Variants in EPG5 observed in about 807,000 individuals in gnomAD.
The protein encoded by EPG5 is ectopic P-granules 5 autophagy tethering factor.
In EPG5, 159 loss-of-function variants were observed where a neutral mutation model predicts 302.7. The ratio of observed to expected loss-of-function variants is 0.53; its 90% CI spans 0.46 to 0.60. The LOEUF (loss-of-function observed/expected upper bound fraction) is 0.60. Ranked by LOEUF, EPG5 falls within the 20% of genes least tolerant of loss-of-function variation. The probability of loss-of-function intolerance (pLI) is 0.00; values close to 1 mark genes in which losing one functional copy is unlikely to be tolerated. For synonymous variants in EPG5, 1,158 were observed against 1,136.8 expected, an observed-to-expected ratio of 1.02 and a Z score of -0.37; for missense variants, 2,896 against 3,092.4, an observed-to-expected ratio of 0.94 and a Z score of 1.51.
chr18:45,947,781 T>C (rs1043434663), intron 6 of EPG5, among the ~76,000 whole-genome samples: 3 of 152,106 alleles, frequency 2.0e-5, no homozygotes, highest in Admixed American at 6.6e-5. Context: ...CATTCTTTTT[T>C]TTTTTCTTTC....
intron 1 of EPG5, among the ~76,000 whole-genome samples, chr18:45,957,422 ATATGAGTGT>A (rs2051056440): frequency 6.6e-6 from 1 of 152,234 alleles, no homozygotes; most frequent in Non-Finnish European, 1.5e-5. Flanking sequence ...GAAAAACATT[ATATGAGTGT>A]TAATAAAACA....
Position 45,944,102 on chromosome 18 carries a change from G to A in EPG5, c.1695C>T (p.Thr565=). 6.2e-7 allele frequency: 1 copy of A among 1,611,178 alleles called. No individual in the cohort carries two copies. The highest frequency in any genetic ancestry group is 8.5e-7 in the Non-Finnish European group (1 of 1,177,462). ...CATCTTCATTAAGGAGAATCCAACT[G>A]GTCTCAGGGTCTTCATCCTAAGGGA... The part of the protein sequence containing the change: ...EGGEEDEDPE[T]SWILLNEDDL... The change falls in exon 8 of 44, where the codon ACC becomes ACT. Residue 565 remains threonine, a synonymous_variant. Coordinates refer to ENST00000282041, the MANE Select transcript of EPG5 (RefSeq NM_020964.3).
At chr18:45,881,008 G>A (rs1186990456) in intron 31 of EPG5, among the ~76,000 whole-genome samples, 1 of 152,118 alleles carries the variant, frequency 6.6e-6, no homozygotes, top group Non-Finnish European at 1.5e-5. Context: ...CCTAGAAGGT[G>A]GCAGTGACAT....
chr18:45,877,016 TC>T (rs1247194325), intron 34 of EPG5, among the ~76,000 whole-genome samples: 2 of 152,208 alleles, frequency 1.3e-5, no homozygotes, highest in East Asian at 3.9e-4. Context: ...AGTCCTGACC[TC>T]AAGTGATCCA....
chr18:45,802,332 C>G, the EPG5 span, among the ~76,000 whole-genome samples: 1 of 152,044 alleles, frequency 6.6e-6, no homozygotes, highest in African/African-American at 2.4e-5. Context: ...ACCAGCCTGG[C>G]CAACATGGCA....
At chr18:45,840,237 C>A in the EPG5 span, 3 of 1,612,592 alleles carry the variant, frequency 1.9e-6, no homozygotes, top group East Asian at 6.7e-5. Flanking sequence ...GGACACCCCA[C>A]CACGGTAAGT....
chr18:45,967,164 G>A lies in EPG5; in HGVS notation c.63+13C>T, dbSNP rs932525874. 6 of 1,591,854 alleles carry A rather than the reference G, an allele frequency of 3.8e-6. No homozygotes were observed. The highest frequency in any genetic ancestry group is 2.3e-5 in the East Asian group (1 of 43,740). ...CACTGCCAGAGCCTCGGGAGGGTGG[G>A]GGAGATCCTCACCTTTGTTTTAGTC... On this transcript the variant is annotated intron_variant, in intron 1 of 43. Coordinates refer to ENST00000282041, the MANE Select transcript of EPG5 (RefSeq NM_020964.3).
chr18:45,865,530 G>A, intron 39 of EPG5, 85 bp downstream of exon 39: 1 of 1,436,384 alleles, frequency 7.0e-7, no homozygotes, highest in Non-Finnish European at 9.6e-7. Flanking sequence ...CCAGTGTCCT[G>A]AACATCCTCC....
In EPG5 at chr18:45,882,433, T is replaced by C. The variant is rs750395264; in HGVS notation, c.5359A>G (p.Arg1787Gly). The C allele has an allele frequency of 8.7e-6, 14 of 1,614,080 alleles. No homozygotes were observed. Among genetic ancestry groups the C allele is most frequent in the Non-Finnish European group, 1.2e-5 (14 of 1,180,042 alleles). ...ATKPPLSDRTRLLESIHLALT... is the reference protein window; with the variant it reads ...ATKPPLSDRTGLLESIHLALT... ...GCCAAGTGAATGGACTCCAGAAGCC[T>C]GGTACGATCAGACAGAGGAGGTTTA... Residue 1787 changes from arginine (R) to glycine (G), a missense_variant, in exon 31 of 44, where the codon AGG becomes GGG. This residue lies in a region of EPG5 where 790 missense variants were observed against 798.0 expected (regional missense o/e 0.99). Transcript: ENST00000282041.
intron 11 of EPG5, among the ~76,000 whole-genome samples, chr18:45,933,380 A>C (rs1205279374): frequency 6.6e-6 from 1 of 152,254 alleles, no homozygotes; most frequent in Non-Finnish European, 1.5e-5. Context: ...AAAGACATCA[A>C]GAGAGACAGA....
chr18:45,860,094 C>T lies in EPG5; in HGVS notation c.7009+10G>A. 2 of 1,613,918 alleles carry T rather than the reference C, an allele frequency of 1.2e-6. No homozygotes were observed. Among genetic ancestry groups the T allele is most frequent in the South Asian group, 1.1e-5 (1 of 91,054 alleles). On this transcript the variant is annotated intron_variant, in intron 40 of 43. Coordinates refer to ENST00000282041, the MANE Select transcript of EPG5 (RefSeq NM_020964.3). ...CCAATACAATGGAGCGTAAGATGAC[C>T]TCCTCTTACTTTCTTTGAAGTAGGC...
intron 1 of EPG5, among the ~76,000 whole-genome samples, chr18:45,961,716 G>A (rs549410594): frequency 6.6e-6 from 1 of 152,112 alleles, no homozygotes; most frequent in Non-Finnish European, 1.5e-5. Context: ...ACATTAGCCA[G>A]GTGTGGTGGT....
At chr18:45,939,282 G>GGTATGTGAT (rs544346281) in intron 10 of EPG5, among the ~76,000 whole-genome samples, 138 of 152,204 alleles carry the variant, frequency 9.1e-4, no homozygotes, top group African/African-American at 3.1e-3. Context: ...CACTGCAGTG[G>GGTATGTGAT]GTATGTGATA....
intron 24 of EPG5, among the ~76,000 whole-genome samples, chr18:45,905,446 A>G (rs939564323): frequency 5.3e-5 from 8 of 152,200 alleles, no homozygotes; most frequent in South Asian, 2.1e-4. Flanking sequence ...AGGAGCTCCA[A>G]TGTAATCCTG....
At chr18:45,941,434 T>A (rs1236133782) in intron 9 of EPG5, among the ~76,000 whole-genome samples, 1 of 151,844 alleles carries the variant, frequency 6.6e-6, no homozygotes, top group Non-Finnish European at 1.5e-5. Context: ...CAAGTTCAAG[T>A]GAGGATGGAG....
At chr18:45,900,404 C>CAAAAA (rs375366452) in intron 26 of EPG5, among the ~76,000 whole-genome samples, 1 of 111,980 alleles carries the variant, frequency 8.9e-6, no homozygotes, top group Non-Finnish European at 1.7e-5. Context: ...GACTCTGTCT[C>CAAAAA]AAAAAAAAAA....
chr18:45,823,345 C>A, the EPG5 span, among the ~76,000 whole-genome samples: 1 of 152,168 alleles, frequency 6.6e-6, no homozygotes, highest in Non-Finnish European at 1.5e-5. Context: ...TTCACTCTGA[C>A]AGCCACAGTG....
chr18:45,807,814 A>C, the EPG5 span, among the ~76,000 whole-genome samples: 1 of 152,216 alleles, frequency 6.6e-6, no homozygotes, highest in African/African-American at 2.4e-5. Flanking sequence ...AATATGGCAA[A>C]ACAAGGTTAA....
intron 13 of EPG5, among the ~76,000 whole-genome samples, chr18:45,926,197 A>G (rs889690419): frequency 1.3e-5 from 2 of 152,222 alleles, no homozygotes; most frequent in African/African-American, 4.8e-5. Flanking sequence ...ACATTTTTAA[A>G]GTCATGATAA....
Sources: gnomAD v4.1 joint callset for allele counts (sites outside exome capture counted in the v4.1 genomes callset) on GRCh38, gnomAD v4.1.1 for gene constraint, gnomAD v4.1.1 regional missense constraint, MANE v1.5 for transcripts, NCBI Gene and HGNC (gene_info 2026-07-23, HGNC 2026-07-21) for gene names.